The following DGKI variants were observed in gnomAD, a reference collection of about 807,000 sequenced individuals.
DGKI encodes diacylglycerol kinase iota.
A neutral mutation model predicts 147.5 loss-of-function variants in DGKI; 55 were observed. The observed-to-expected ratio is 0.37, with a 90% CI of 0.30 to 0.47. DGKI has a LOEUF of 0.47. Ranked by LOEUF, DGKI falls within the 20% of genes least tolerant of loss-of-function variation. The probability of loss-of-function intolerance (pLI) is 1.00; values close to 1 mark genes in which losing one functional copy is unlikely to be tolerated. For missense variants in DGKI, 1,007 were observed against 1,323.8 expected (o/e 0.76, Z 3.71); for synonymous variants, 469 against 477.1 (o/e 0.98, Z 0.22).
At chr7:137,818,449 C>A (rs949428087) in intron 1 of DGKI, among the ~76,000 whole-genome samples, 1 of 152,200 alleles carries the variant, frequency 6.6e-6, no homozygotes, top group East Asian at 1.9e-4. Flanking sequence ...TTTCTTGAGA[C>A]GGAGTTTTGC....
chr7:137,761,386 C>T (rs1336508266), intron 1 of DGKI, among the ~76,000 whole-genome samples: 2 of 152,202 alleles, frequency 1.3e-5, no homozygotes, highest in African/African-American at 4.8e-5. Context: ...GCCTCAGTTT[C>T]CCCATGTTTC....
chr7:137,766,670 G>A (rs1464438168), intron 1 of DGKI, among the ~76,000 whole-genome samples: 1 of 152,132 alleles, frequency 6.6e-6, no homozygotes, highest in African/African-American at 2.4e-5. Context: ...CAGGACAGGA[G>A]GAATTTCTTT....
chr7:137,408,776 A>G (rs1250511979), intron 29 of DGKI, among the ~76,000 whole-genome samples: 1 of 152,222 alleles, frequency 6.6e-6, no homozygotes, highest in Non-Finnish European at 1.5e-5. Flanking sequence ...GATATGGTCT[A>G]AGTTTATAAA....
intron 28 of DGKI, among the ~76,000 whole-genome samples, chr7:137,435,247 C>T (rs1021316702): frequency 6.6e-6 from 1 of 152,028 alleles, no homozygotes; most frequent in Non-Finnish European, 1.5e-5. Context: ...AGCAACATTA[C>T]CCATGAGGAA....
chr7:137,480,780 T>C (rs779235413), intron 23 of DGKI, among the ~76,000 whole-genome samples: 1 of 152,166 alleles, frequency 6.6e-6, no homozygotes, highest in Admixed American at 6.5e-5. Context: ...GTGAATCCTA[T>C]GGTATGCACT....
chr7:137,648,413 A>C (rs927751071), intron 5 of DGKI, among the ~76,000 whole-genome samples: 1 of 152,208 alleles, frequency 6.6e-6, no homozygotes, highest in African/African-American at 2.4e-5. Context: ...AAATCTTAAC[A>C]CTGACTTCAT....
At chr7:137,465,345 T>G (rs770785686) in intron 26 of DGKI, among the ~76,000 whole-genome samples, 1 of 152,212 alleles carries the variant, frequency 6.6e-6, no homozygotes, top group African/African-American at 2.4e-5. Context: ...CTGTATCAAT[T>G]CTTTTAATCG....
At chr7:137,578,460 C>T (rs957653776) in intron 15 of DGKI, 135 bp from the exon 16 acceptor site, 31 of 663,352 alleles carry the variant, frequency 4.7e-5, no homozygotes, top group Non-Finnish European at 7.9e-5. Flanking sequence ...TATCATCTTT[C>T]CCCCAGTTCC....
intron 1 of DGKI, among the ~76,000 whole-genome samples, chr7:137,773,080 A>G (rs1427674307): frequency 6.6e-6 from 1 of 152,214 alleles, no homozygotes; most frequent in Non-Finnish European, 1.5e-5. Flanking sequence ...GAAGGGACCC[A>G]TGGGTCAATT....
chr7:137,384,344 G>T lies in DGKI; in HGVS notation c.*6876C>A, dbSNP rs1310366089. 2 of 151,664 alleles carry T rather than the reference G, an allele frequency of 1.3e-5. No homozygotes were observed. The highest frequency in any genetic ancestry group is 1.9e-4 in the East Asian group (1 of 5,180). 9.4% of individuals were successfully genotyped at this position (151,664 alleles called of 1,614,324 possible). A position where few individuals can be genotyped will look rare whatever the true frequency, so the allele number is the denominator to read the frequency against. ...CCGACAGCAAAAACTCTGACTTTTT[G>T]ATTTCACATTCTCCCTTATTTCTAA... On this transcript the variant is annotated 3_prime_UTR_variant, in exon 33 of 33. Coordinates refer to ENST00000614521, the MANE Select transcript of DGKI (RefSeq NM_001321708.2).
At chr7:137,671,364 T>C (rs1314347527) in intron 3 of DGKI, among the ~76,000 whole-genome samples, 1 of 152,150 alleles carries the variant, frequency 6.6e-6, no homozygotes, top group Admixed American at 6.5e-5. Context: ...AGTCATGACT[T>C]GGTAAGAATA....
At chr7:137,649,103 T>C (rs979486862) in intron 5 of DGKI, among the ~76,000 whole-genome samples, 7 of 152,188 alleles carry the variant, frequency 4.6e-5, no homozygotes, top group South Asian at 2.1e-4. Flanking sequence ...TGCTTAATTA[T>C]AGTTTGAACA....
At chr7:137,688,830 T>C (rs1263968020) in intron 2 of DGKI, among the ~76,000 whole-genome samples, 18 of 152,176 alleles carry the variant, frequency 1.2e-4, no homozygotes, top group Non-Finnish European at 1.5e-5. Context: ...ATTCTTTCTA[T>C]ACACCAATTC....
At chr7:137,791,592 A>G (rs778084101) in intron 1 of DGKI, among the ~76,000 whole-genome samples, 30 of 152,148 alleles carry the variant, frequency 2.0e-4, no homozygotes, top group Non-Finnish European at 3.4e-4. Flanking sequence ...TAAGTGTGAA[A>G]CTCAGCTGCA....
rs568996797 is a variant in DGKI, at chr7:137,773,355, G to A, written c.401+73107C>T. ...GGGGAATAAATAATGAACTTGCCAA[G>A]AAGATACTATCAGGCGTTTGGCCAG... On this transcript the variant is annotated intron_variant, in intron 1 of 32. Coordinates refer to ENST00000614521, the MANE Select transcript of DGKI (RefSeq NM_001321708.2). 2.6e-4 allele frequency among the ~76,000 whole-genome samples: 39 copies of A among 152,312 alleles called. No individual in the cohort carries two copies. In the South Asian group the frequency reaches 6.6e-3, roughly 26 times the overall value.
intron 6 of DGKI, among the ~76,000 whole-genome samples, chr7:137,636,883 G>C (rs1347829091): frequency 1.3e-5 from 2 of 152,088 alleles, no homozygotes; most frequent in East Asian, 1.9e-4. Flanking sequence ...TACACTCAGG[G>C]CTCCTCCTTC....
intron 28 of DGKI, among the ~76,000 whole-genome samples, chr7:137,413,054 G>T (rs1812221284): frequency 6.6e-6 from 1 of 152,110 alleles, no homozygotes; most frequent in African/African-American, 2.4e-5. Context: ...TGGATCATTT[G>T]AGGTCAGGAG....
At chr7:137,463,980 A>T (rs942709042) in intron 26 of DGKI, among the ~76,000 whole-genome samples, 5 of 152,164 alleles carry the variant, frequency 3.3e-5, no homozygotes, top group Admixed American at 2.0e-4. Context: ...GAGAAATAAG[A>T]AAGGCACTGA....
At chr7:137,588,534 C>T (rs891901254) in intron 12 of DGKI, among the ~76,000 whole-genome samples, 3 of 143,668 alleles carry the variant, frequency 2.1e-5, no homozygotes, top group South Asian at 2.2e-4. Context: ...TGGAGTGCAG[C>T]GGCAAGATCT....
Sources: gnomAD v4.1 joint callset for allele counts (sites outside exome capture counted in the v4.1 genomes callset) on GRCh38, gnomAD v4.1.1 for gene constraint, MANE v1.5 for transcripts, NCBI Gene and HGNC (gene_info 2026-07-23, HGNC 2026-07-21) for gene names.